The following MAML2 variants were observed in gnomAD, a reference collection of about 807,000 sequenced individuals.
MAML2 encodes mastermind-like protein 2.
In MAML2, 22 loss-of-function variants were observed where a neutral mutation model predicts 96.1. The observed-to-expected ratio is 0.23, with a 90% CI of 0.16 to 0.33. The LOEUF is 0.33. Among genes scored for constraint, MAML2 ranks in the 10% least tolerant of loss-of-function variants. MAML2 has a pLI of 1.00. For missense variants in MAML2, 1,367 were observed against 1,392.4 expected, an observed-to-expected ratio of 0.98 and a Z score of 0.29; for synonymous variants, 561 against 521.3, an observed-to-expected ratio of 1.08 and a Z score of -1.04.
chr11:96,048,514 A>T (rs1858941769), intron 2 of MAML2, among the ~76,000 whole-genome samples: 1 of 152,244 alleles, frequency 6.6e-6, no homozygotes, highest in East Asian at 1.9e-4. Context: ...TAAAATTTTT[A>T]ACACATATAG....
rs754161824 is a variant in MAML2 at position 96,341,767 on chromosome 11, C to T, written c.129G>A (p.Arg43=). ...HSAIVERLRA[R]IAVCRQHHLS... ...GGTGGTGTTGGCGGCAGACAGCGAT[C>T]CGAGCCCGGAGGCGCTCCACGATAG... The change falls in exon 1 of 5, where the codon CGG becomes CGA. Residue 43 remains arginine, a synonymous_variant. Coordinates refer to ENST00000524717, the MANE Select transcript of MAML2 (RefSeq NM_032427.4). 2.0e-5 allele frequency: 32 copies of T among 1,612,410 alleles called. 1 individual carries two copies. In the South Asian group the frequency reaches 2.3e-4, roughly 12 times the overall value.
chr11:96,219,517 C>T (rs994818950), intron 1 of MAML2, among the ~76,000 whole-genome samples: 1 of 152,160 alleles, frequency 6.6e-6, no homozygotes, highest in Non-Finnish European at 1.5e-5. Context: ...AGCCTTGCAC[C>T]GTGATTTACA....
chr11:96,278,501 A>C (rs79159973), intron 1 of MAML2, among the ~76,000 whole-genome samples: 1 of 152,192 alleles, frequency 6.6e-6, no homozygotes, highest in African/African-American at 2.4e-5. Context: ...GTGAGGTGCT[A>C]TGATGGATTA....
At position 96,343,077 on chromosome 11, in the gene MAML2, T is replaced by C; in HGVS notation, c.-1182A>G. 2.5e-6 allele frequency: 1 copy of C among 398,598 alleles called. No individual in the cohort carries two copies. The highest frequency in any genetic ancestry group is 4.4e-6 in the Non-Finnish European group (1 of 226,036). 24.7% of individuals were successfully genotyped at this position (398,598 alleles called of 1,614,324 possible). On this transcript the variant is annotated 5_prime_UTR_variant, in exon 1 of 5. Transcript: ENST00000524717. ...TGGAAAAAAAAAGTAGCTTGTATTT[T>C]CCTTTCTCTTTCTCGTCTGTTGTTA... is the stretch of plus-strand genomic sequence containing the variant.
intron 1 of MAML2, among the ~76,000 whole-genome samples, chr11:96,266,962 A>G (rs1862838489): frequency 2.0e-5 from 3 of 152,246 alleles, no homozygotes; most frequent in African/African-American, 7.2e-5. Flanking sequence ...TGAGCAAATC[A>G]TACATTATTT....
rs181218256 is a variant in MAML2 at position 96,146,828 on chromosome 11, T to C, written c.514-53311A>G. The stretch of plus-strand genomic sequence containing the variant: ...GATGTTGAAAATGCTGTTGGTTACT[T>C]ATTTTTGTTGAGATTCTTTAAAAGT... On this transcript the variant is annotated intron_variant, in intron 1 of 4. Transcript: ENST00000524717. 2.4e-4 allele frequency among the ~76,000 whole-genome samples: 37 copies of C among 152,370 alleles called. 1 individual carries two copies. The East Asian group carries it at 6.9e-3, about 29-fold the overall frequency.
intron 1 of MAML2, among the ~76,000 whole-genome samples, chr11:96,202,629 ATT>A (rs962786146): frequency 2.8e-5 from 4 of 144,676 alleles, no homozygotes; most frequent in African/African-American, 7.6e-5. Context: ...TCCAGATGAA[ATT>A]TTTTTTTTTT....
intron 1 of MAML2, among the ~76,000 whole-genome samples, chr11:96,159,674 T>A (rs1300368073): frequency 6.6e-6 from 1 of 152,086 alleles, no homozygotes; most frequent in Non-Finnish European, 1.5e-5. Flanking sequence ...TCCGCCCACC[T>A]CGGCCTCCCA....
At chr11:96,305,267 TAATG>T in intron 1 of MAML2, among the ~76,000 whole-genome samples, 1 of 152,218 alleles carries the variant, frequency 6.6e-6, no homozygotes, top group Non-Finnish European at 1.5e-5. Flanking sequence ...TATGATAATA[TAATG>T]AAAGATGTAC....
At chr11:96,298,012 C>G (rs575757514) in intron 1 of MAML2, among the ~76,000 whole-genome samples, 1 of 152,136 alleles carries the variant, frequency 6.6e-6, no homozygotes, top group African/African-American at 2.4e-5. Flanking sequence ...GCACCTACCC[C>G]CCTTGCTAAC....
chr11:96,045,848 C>T (rs1470066416), intron 2 of MAML2, among the ~76,000 whole-genome samples: 1 of 151,454 alleles, frequency 6.6e-6, no homozygotes, highest in Non-Finnish European at 1.5e-5. Flanking sequence ...GATTTTTTTT[C>T]CCTCGTAACC....
chr11:96,067,525 C>A (rs1859263949), intron 2 of MAML2, among the ~76,000 whole-genome samples: 1 of 152,126 alleles, frequency 6.6e-6, no homozygotes, highest in Admixed American at 6.5e-5. Context: ...GATCTTCTTA[C>A]TCTATGCAGG....
chr11:96,328,040 G>C (rs915364876), intron 1 of MAML2, among the ~76,000 whole-genome samples: 6 of 152,072 alleles, frequency 3.9e-5, no homozygotes, highest in Non-Finnish European at 8.8e-5. Context: ...AGGTTACAGT[G>C]AGCCAAGATT....
At chr11:96,221,060 G>T (rs1049204000) in intron 1 of MAML2, among the ~76,000 whole-genome samples, 16 of 152,128 alleles carry the variant, frequency 1.1e-4, no homozygotes, top group African/African-American at 3.6e-4. Flanking sequence ...GCACTGAGGA[G>T]ATGTATTACT....
At chr11:96,121,364 T>C (rs918078713) in intron 1 of MAML2, among the ~76,000 whole-genome samples, 3 of 152,192 alleles carry the variant, frequency 2.0e-5, no homozygotes, top group Non-Finnish European at 2.9e-5. Flanking sequence ...CTGCCTGCTA[T>C]GGGGGAAGCC....
At chr11:96,240,935 G>A (rs996391865) in intron 1 of MAML2, among the ~76,000 whole-genome samples, 2 of 151,984 alleles carry the variant, frequency 1.3e-5, no homozygotes, top group East Asian at 3.9e-4. Flanking sequence ...TTCCCTGTAG[G>A]GTATGTAGGC....
chr11:96,166,194 C>G (rs1861191339), intron 1 of MAML2, among the ~76,000 whole-genome samples: 3 of 151,316 alleles, frequency 2.0e-5, no homozygotes, highest in Admixed American at 2.0e-4. Context: ...CACACACACA[C>G]ACACACACAC....
chr11:96,019,670 G>T (rs530651815), intron 2 of MAML2, among the ~76,000 whole-genome samples: 1 of 53,250 alleles, frequency 1.9e-5, no homozygotes, highest in Non-Finnish European at 3.3e-5. Context: ...GCAGCCAAGG[G>T]CTGATAATAA....
chr11:96,181,064 C>T (rs909956067), intron 1 of MAML2, among the ~76,000 whole-genome samples: 2 of 152,076 alleles, frequency 1.3e-5, no homozygotes, highest in African/African-American at 4.8e-5. Flanking sequence ...CAAGGACCGG[C>T]CATTTACACT....
Sources: gnomAD v4.1 joint callset for allele counts (sites outside exome capture counted in the v4.1 genomes callset) on GRCh38, gnomAD v4.1.1 for gene constraint, MANE v1.5 for transcripts, NCBI Gene and HGNC (gene_info 2026-07-23, HGNC 2026-07-21) for gene names.